The following STRC variants were observed in gnomAD, a reference collection of about 807,000 sequenced individuals.
The protein encoded by STRC is stereocilin.
STRC carries 43 observed loss-of-function variants against 103.5 expected under a neutral mutation model. The ratio of observed to expected loss-of-function variants is 0.42; its 90% CI spans 0.33 to 0.54. The LOEUF is 0.54. STRC is among the 20% of genes least tolerant of loss of function. The pLI is 0.14. For missense variants in STRC, 499 were observed against 1,088.5 expected, an observed-to-expected ratio of 0.46 and a Z score of 7.62; for synonymous variants, 186 against 442.3, an observed-to-expected ratio of 0.42 and a Z score of 7.27.
rs754953738 is a variant in STRC at position 43,600,938 on chromosome 15, G to A, written c.4778C>T (p.Ala1593Val). ...VSHLDFVHLT[A>V]LGYTLCGLRP... The stretch of plus-strand genomic sequence containing the variant: ...CAGTCCACAGAGAGTATAACCCAGC[G>A]CTGTCAGATGAACGAAGTCCAGGTG... The change falls in exon 25 of 29, where the codon GCG becomes GTG. Residue 1593 changes from alanine (A) to valine (V), a missense_variant. Transcript: ENST00000450892. The A allele has an allele frequency of 3.5e-5, 56 of 1,608,306 alleles. No homozygotes were observed. Among genetic ancestry groups the A allele is most frequent in the East Asian group, 6.7e-5 (3 of 44,576 alleles).
At chr15:43,605,436 G>A in intron 18 of STRC, 37 bp from the exon 19 acceptor site, 1 of 1,578,252 alleles carries the variant, frequency 6.3e-7, no homozygotes, top group Non-Finnish European at 8.6e-7. Flanking sequence ...GATTCAGGTG[G>A]AGCTGGGCCA....
At chr15:43,600,401 C>T in intron 26 of STRC, 108 bp from the exon 27 acceptor site, 1 of 1,372,164 alleles carries the variant, frequency 7.3e-7, no homozygotes, top group Non-Finnish European at 1.0e-6. Context: ...TAGACCTTCC[C>T]CAATATGTCT....
intron 20 of STRC, 58 bp from the exon 21 acceptor site, chr15:43,604,509 A>G (rs2141523213): frequency 1.3e-6 from 2 of 1,587,274 alleles, no homozygotes; most frequent in Non-Finnish European, 1.7e-6. Context: ...AGGAAAAGGA[A>G]GGGGAAAAGA....
rs727503443 is a variant in STRC, at chr15:43,603,362, C to G, written c.4425G>C (p.Trp1475Cys). 30 of 1,613,668 alleles carry G rather than the reference C, an allele frequency of 1.9e-5. No homozygotes were observed. Among genetic ancestry groups the G allele is most frequent in the Non-Finnish European group, 2.4e-5 (28 of 1,179,872 alleles). Residue 1475 changes from tryptophan to cysteine, a missense_variant, in exon 23 of 29, where the codon TGG becomes TGC. By Grantham distance (215) the Trp-to-Cys change is radical (BLOSUM62 -2). Coordinates refer to ENST00000450892, the MANE Select transcript of STRC (RefSeq NM_153700.2). ...CCATCTCTGCAATCTGGGTTGCAGA[C>G]CAGGCTGCTGGGAATGTCCCTCGTA... ...ADVRGTFPAA[W>C]SATQIAEMEL... is the part of the protein sequence containing the mutation.
In STRC at chr15:43,601,506, G is replaced by A. The variant is rs770260611; in HGVS notation, c.4591C>T (p.Leu1531Phe). The A allele has an allele frequency of 3.1e-6, 5 of 1,613,850 alleles. No individual in the cohort carries two copies. The highest frequency in any genetic ancestry group is 2.5e-6 in the Non-Finnish European group (3 of 1,179,874). The change falls in exon 24 of 29, where the codon CTT becomes TTT. Residue 1531 changes from leucine (L) to phenylalanine (F), a missense_variant. By Grantham distance (22) the Leu-to-Phe change is conservative. Transcript: ENST00000450892. ...RGFRPEQILQ[L>F]GRLLIGLGDR... The stretch of plus-strand genomic sequence containing the variant: ...CCTAGACCTATTAAGAGCCTACCAA[G>A]CTGCAGGATCTGCTCAGGACGAAAT...
chr15:43,606,990 ACT>A (rs1407176792), intron 18 of STRC, among the ~76,000 whole-genome samples: 1 of 138,768 alleles, frequency 7.2e-6, no homozygotes, highest in Non-Finnish European at 1.5e-5. Flanking sequence ...ACACAGCAAA[ACT>A]CTGTCTCAAA....
At position 43,603,009 on chromosome 15, in the gene STRC, A is replaced by T. The variant is rs916932284; in HGVS notation, c.4545+233T>A. ...AAGAAAAAAATCTGTTCCCTTGATG[A>T]TCGTGATATGCATTAAAATTTGGTA... On this transcript the variant is annotated intron_variant, in intron 23 of 28. Coordinates refer to ENST00000450892, the MANE Select transcript of STRC (RefSeq NM_153700.2). Among the ~76,000 whole-genome samples, 39 of 151,886 alleles carry T rather than the reference A, an allele frequency of 2.6e-4. 1 individual carries two copies. The highest frequency in any genetic ancestry group is 5.0e-4 in the Non-Finnish European group (34 of 67,970).
intron 22 of STRC, 190 bp from the exon 23 acceptor site, chr15:43,603,601 C>G: frequency 1.4e-6 from 1 of 713,286 alleles, no homozygotes; most frequent in Non-Finnish European, 2.4e-6. Flanking sequence ...TTGGAGATGC[C>G]AAGACTTTTA....
At position 43,616,670 on chromosome 15, in the gene STRC, G is replaced by A. The variant is rs2141530645; in HGVS notation, c.896C>T (p.Ser299Phe). Residue 299 changes from serine (S) to phenylalanine (F), a missense_variant, in exon 4 of 29, where the codon TCC becomes TTC. Transcript: ENST00000450892. ...AAAGCCCAGCGCCTGGACATCCCAGGAAAGGTTGTGCCGGACGCCCCTGGG... is the reference window on the plus strand; with the variant it reads ...AAAGCCCAGCGCCTGGACATCCCAGAAAAGGTTGTGCCGGACGCCCCTGGG... ...LLLWGVRHNL[S>F]WDVQALGFLS... The A allele has an allele frequency of 1.9e-6, 1 of 518,790 alleles. No individual in the cohort carries two copies. The highest frequency in any genetic ancestry group is 3.3e-6 in the Non-Finnish European group (1 of 301,024). 32.1% of individuals were successfully genotyped at this position (518,790 alleles called of 1,614,324 possible).
In STRC at chr15:43,603,332, G is replaced by C. The variant is rs764576756; in HGVS notation, c.4455C>G (p.Leu1485=). ...ATGTCAGGCAGTCCTCAAAGTCTGA[G>C]AGCTCCATCTCTGCAATCTGGGTTG... The part of the protein sequence containing the change: ...WSATQIAEME[L]SDFEDCLTLF... Residue 1485 remains leucine (L), a synonymous_variant, in exon 23 of 29, where the codon CTC becomes CTG. Transcript: ENST00000450892. 3.7e-6 allele frequency: 6 copies of C among 1,613,856 alleles called. No individual in the cohort carries two copies. The highest frequency in any genetic ancestry group is 2.2e-5 in the East Asian group (1 of 44,884).
rs1277881471 is a variant in STRC, at chr15:43,601,323, C to T, written c.4701+73G>A. On this transcript the variant is annotated intron_variant, in intron 24 of 28. Transcript: ENST00000450892. ...GGTCACAGGAAAAAAATTCCTTGGG[C>T]TTTAGATGATCTATAGGGCTGGGTC... 4 of 1,604,288 alleles carry T rather than the reference C, an allele frequency of 2.5e-6. No homozygotes were observed. The African/African-American group carries it at 4.0e-5, about 16-fold the overall frequency.
chr15:43,609,663 A>T (rs1288052185), intron 15 of STRC: 7 of 366,264 alleles, frequency 1.9e-5, no homozygotes, highest in Non-Finnish European at 3.1e-5. Flanking sequence ...CAATCTGGAC[A>T]GCATAGTACC....
In STRC at chr15:43,609,331, G is replaced by A. The variant is rs1367677825; in HGVS notation, c.3502C>T (p.Gln1168Ter). ...ACTTGCATCTTCTTCCAGAGAAACT[G>A]TGCCTACAAGAGAAAGAAAGACGAG... ...WELPWSEQQA[Q>*]FLWKKMQVPT... The change falls in exon 16 of 29, where the codon CAG becomes TAG. Residue 1168 changes from glutamine (Q) to a stop codon, truncating the protein, a stop_gained. Coordinates refer to ENST00000450892, the MANE Select transcript of STRC (RefSeq NM_153700.2). LOFTEE classifies it high-confidence loss of function. The A allele has an allele frequency of 6.2e-7, 1 of 1,608,762 alleles. No homozygotes were observed. Among genetic ancestry groups the A allele is most frequent in the South Asian group, 1.1e-5 (1 of 90,938 alleles).
Position 43,600,562 on chromosome 15 carries a change from C to T in STRC, c.4965G>A (p.Glu1655=), listed in dbSNP as rs774248350. 1.9e-6 allele frequency: 3 copies of T among 1,613,628 alleles called. No individual in the cohort carries two copies. The South Asian group carries it at 3.3e-5, about 18-fold the overall frequency. Reference sequence around the variant, plus strand: ...CTATGGTGCCAATTTCAGTGAAGATCTCAGGCCCCCAGTTACTGATTGGGC... The same window carrying T: ...CTATGGTGCCAATTTCAGTGAAGATTTCAGGCCCCCAGTTACTGATTGGGC... The part of the protein sequence containing the change: ...GFGPISNWGP[E]IFTEIGTIAA... The change falls in exon 26 of 29, where the codon GAG becomes GAA. Residue 1655 remains glutamate (E), a synonymous_variant. Transcript: ENST00000450892.
chr15:43,613,182 CCTT>C lies in STRC; in HGVS notation c.2527_2529del (p.Lys843del). On this transcript the variant is annotated inframe_deletion, in exon 8 of 29. Coordinates refer to ENST00000450892, the MANE Select transcript of STRC (RefSeq NM_153700.2). Reference sequence around the variant, plus strand: ...GCCAGCAGTCGCTTTGCCAGAGCCTCCTTCTGTTCAGGCCTCATTCCTGGGCTG... The same window carrying C: ...GCCAGCAGTCGCTTTGCCAGAGCCTCCTGTTCAGGCCTCATTCCTGGGCTG... 2.9e-6 allele frequency: 1 copy of C among 341,734 alleles called. No homozygotes were observed. Among genetic ancestry groups the C allele is most frequent in the Non-Finnish European group, 4.9e-6 (1 of 205,606 alleles). The allele number at this position is 341,734 out of a possible 1,614,324, so 21.2% of individuals were successfully genotyped here. A position where few individuals can be genotyped will look rare whatever the true frequency, so the allele number is the denominator to read the frequency against.
In STRC at chr15:43,600,574, GT is replaced by G. The variant is rs1451619522; in HGVS notation, c.4952del (p.Asn1651ThrfsTer13). On this transcript the variant is annotated frameshift_variant, in exon 26 of 29. Transcript: ENST00000450892. LOFTEE classifies it high-confidence loss of function. ...VLPGGFGPIS[N>X]WGPEIFTEIG... The stretch of plus-strand genomic sequence containing the variant: ...TTTCAGTGAAGATCTCAGGCCCCCA[GT>G]TACTGATTGGGCCAAACCCACCAGG... 1.2e-6 allele frequency: 2 copies of G among 1,613,238 alleles called. No homozygotes were observed. Among genetic ancestry groups the G allele is most frequent in the African/African-American group, 2.7e-5 (2 of 74,684 alleles).
rs1228943197 is a variant in STRC, at chr15:43,600,247, G to C, written c.5040C>G (p.Ile1680Met). The C allele has an allele frequency of 7.9e-6, 10 of 1,265,832 alleles. No individual in the cohort carries two copies. In the South Asian group the frequency reaches 1.3e-4, roughly 16 times the overall value. 78.4% of individuals were successfully genotyped at this position (1,265,832 alleles called of 1,614,324 possible). A position where few individuals can be genotyped will look rare whatever the true frequency, so the allele number is the denominator to read the frequency against. Reference protein sequence around the residue: ...LALSALLRGQIQGVTPLAISV... With the variant: ...LALSALLRGQMQGVTPLAISV... ...AAATGGCAAGAGGAGTAACGCCCTG[G>C]ATCTGTCCCCGCAGCAGTGCTGAAA... The change falls in exon 27 of 29, where the codon ATC becomes ATG. Residue 1680 changes from isoleucine (I) to methionine (M), a missense_variant. Transcript: ENST00000450892.
At chr15:43,601,839 G>A (rs1263165186) in intron 23 of STRC, among the ~76,000 whole-genome samples, 2 of 151,780 alleles carry the variant, frequency 1.3e-5, no homozygotes, top group African/African-American at 4.8e-5. Flanking sequence ...GATGCCTAGG[G>A]CCCAGCACAG....
rs1378463794 is a variant in STRC at position 43,603,271 on chromosome 15, G to C, written c.4516C>G (p.Leu1506Val). 1 of 1,613,766 alleles carries C rather than the reference G, an allele frequency of 6.2e-7. No homozygotes were observed. ...TTTGCTTTGCCCATGGCTGCCCGCA[G>C]TTCCTCAGGCCCAAGTCCTGGGTCT... Reference protein sequence around the residue: ...AGDPGLGPEELRAAMGKAKQL... With the variant: ...AGDPGLGPEEVRAAMGKAKQL... Residue 1506 changes from leucine to valine, a missense_variant, in exon 23 of 29, where the codon CTG (leucine) becomes GTG (valine). By Grantham distance (32) the Leu-to-Val change is conservative (BLOSUM62 1). Transcript: ENST00000450892.
Sources: allele counts gnomAD v4.1 joint callset (sites outside exome capture counted in the v4.1 genomes callset), GRCh38; gene constraint gnomAD v4.1.1; transcripts MANE v1.5; gene names NCBI Gene and HGNC (gene_info 2026-07-23, HGNC 2026-07-21).